Variants in TG observed in about 807,000 individuals in gnomAD.
The protein encoded by TG is thyroid hormones.
A neutral mutation model predicts 324.7 loss-of-function variants in TG; 270 were observed. The ratio of observed to expected loss-of-function variants is 0.83; its 90% CI spans 0.75 to 0.92. The LOEUF (loss-of-function observed/expected upper bound fraction) is 0.92. TG is among the 40% of genes least tolerant of loss of function. The pLI, the probability that TG is intolerant of heterozygous loss-of-function variation, is 0.00. For synonymous variants in TG, 1,401 were observed against 1,327.0 expected, an observed-to-expected ratio of 1.06 and a Z score of -1.21; for missense variants, 3,591 against 3,456.4, an observed-to-expected ratio of 1.04 and a Z score of -0.98.
At chr8:132,908,867 A>G (rs1268217616) in intron 18 of TG, among the ~76,000 whole-genome samples, 1 of 152,058 alleles carries the variant, frequency 6.6e-6, no homozygotes, top group East Asian at 1.9e-4. Context: ...AAGGGACGGG[A>G]GTGAGGTAAG....
At chr8:132,886,352 G>A (rs1815418635) in intron 8 of TG, 96 bp from the exon 9 acceptor site, 1 of 1,533,434 alleles carries the variant, frequency 6.5e-7, no homozygotes, top group Admixed American at 1.7e-5. Context: ...TTGATTGAAT[G>A]TTCTGGCTTC....
intron 34 of TG, among the ~76,000 whole-genome samples, chr8:132,976,561 C>T (rs1830199811): frequency 1.3e-5 from 2 of 152,230 alleles, no homozygotes; most frequent in African/African-American, 4.8e-5. Context: ...GCAATCTCCT[C>T]TCCCCAAGCA....
intron 37 of TG, 73 bp from the exon 38 acceptor site, chr8:133,017,705 A>G: frequency 7.1e-7 from 1 of 1,412,256 alleles, no homozygotes; most frequent in Non-Finnish European, 1.0e-6. Context: ...AAGCACATTC[A>G]GAATGCCAGT....
At chr8:133,021,875 G>C in intron 39 of TG, 116 bp from the exon 40 acceptor site, 2 of 1,302,304 alleles carry the variant, frequency 1.5e-6, no homozygotes, top group Non-Finnish European at 1.1e-6. Flanking sequence ...ACTGCATGGG[G>C]CTAAGTATGC....
rs1161600572 is a variant in TG at position 132,941,340 on chromosome 8, CT to C, written c.5042-8del. The stretch of plus-strand genomic sequence containing the variant: ...GAGGTCTTTTAAAATTTTGTTCTGC[CT>C]TTCCCCCAGGCCAAGGATCCACCAC... On this transcript the variant is annotated splice_polypyrimidine_tract_variant and intron_variant, in intron 25 of 47. Coordinates refer to ENST00000220616, the MANE Select transcript of TG (RefSeq NM_003235.5). The C allele has an allele frequency of 6.2e-7, 1 of 1,614,224 alleles. No homozygotes were observed. Among genetic ancestry groups the C allele is most frequent in the East Asian group, 2.2e-5 (1 of 44,886 alleles).
At chr8:132,950,362 G>C (rs2130117691) in intron 27 of TG, among the ~76,000 whole-genome samples, 1 of 152,348 alleles carries the variant, frequency 6.6e-6, no homozygotes, top group Admixed American at 6.5e-5. Context: ...GATTCTTTCT[G>C]TGGGAACCCT....
chr8:132,966,417 A>G (rs1485184359), intron 29 of TG, 143 bp from the exon 30 acceptor site: 1 of 1,115,092 alleles, frequency 9.0e-7, no homozygotes, highest in Non-Finnish European at 1.3e-6. Context: ...ACACAGCATA[A>G]AAATGTCTCT....
intron 35 of TG, chr8:133,003,126 AT>A: frequency 1.5e-6 from 1 of 668,478 alleles, no homozygotes. Flanking sequence ...CTTTTTGGCA[AT>A]TTTTAACAGC....
chr8:132,873,301 G>A, intron 5 of TG, 80 bp downstream of exon 5: 1 of 1,544,216 alleles, frequency 6.5e-7, no homozygotes, highest in Non-Finnish European at 8.9e-7. Context: ...GGGCCTCCAT[G>A]TGTCATATGT....
intron 20 of TG, among the ~76,000 whole-genome samples, chr8:132,917,013 TCCTCCCTCCATG>T (rs1219606250): frequency 2.7e-5 from 2 of 74,164 alleles, no homozygotes; most frequent in South Asian, 7.2e-4. Flanking sequence ...CTCCCTCCCT[TCCTCCCTCCATG>T]CCTCCCTCCC....
intron 35 of TG, among the ~76,000 whole-genome samples, chr8:132,989,164 C>T (rs1831993822): frequency 6.6e-6 from 1 of 152,176 alleles, no homozygotes; most frequent in Non-Finnish European, 1.5e-5. Flanking sequence ...AAAGACCTGC[C>T]CCCATGATTC....
At chr8:132,949,779 C>T (rs1490032966) in intron 27 of TG, among the ~76,000 whole-genome samples, 3 of 152,214 alleles carry the variant, frequency 2.0e-5, no homozygotes. Context: ...CTGCGATCAT[C>T]TGCCCCAGCC....
chr8:133,035,448 G>A (rs1363252385), intron 41 of TG, among the ~76,000 whole-genome samples: 1 of 150,738 alleles, frequency 6.6e-6, no homozygotes, highest in African/African-American at 2.5e-5. Flanking sequence ...TCCATTTGTT[G>A]GCAGAAAAGT....
At chr8:133,014,077 C>G (rs1051771994) in intron 37 of TG, among the ~76,000 whole-genome samples, 4 of 152,170 alleles carry the variant, frequency 2.6e-5, no homozygotes, top group Admixed American at 6.5e-5. Context: ...CTCATTTGGT[C>G]CTCACATTAA....
At chr8:132,946,281 G>A (rs1825280680) in intron 26 of TG, among the ~76,000 whole-genome samples, 3 of 152,004 alleles carry the variant, frequency 2.0e-5, no homozygotes, top group Admixed American at 2.0e-4. Flanking sequence ...GTTCCATGGA[G>A]TGGTAAGCCC....
Position 133,030,704 on chromosome 8 carries a change from G to T in TG, c.7239+681G>T, listed in dbSNP as rs561661963. 2.0e-4 allele frequency among the ~76,000 whole-genome samples: 31 copies of T among 152,332 alleles called. 2 individuals carry two copies. The South Asian group carries it at 5.8e-3, about 28-fold the overall frequency. Reference sequence around the variant, plus strand: ...AAATGCTTAAAGCAGATATTTATAAGAAGATCTCAGGGCAGCCCTAAGAGA... The same window carrying T: ...AAATGCTTAAAGCAGATATTTATAATAAGATCTCAGGGCAGCCCTAAGAGA... On this transcript the variant is annotated intron_variant, in intron 41 of 47. Coordinates refer to ENST00000220616, the MANE Select transcript of TG (RefSeq NM_003235.5).
rs1241640748 is a variant in TG at position 132,917,034 on chromosome 8, C to CTT, written c.4379-2342_4379-2341insTT. Among the ~76,000 whole-genome samples, 661 of 102,476 alleles carry CTT rather than the reference C, an allele frequency of 6.5e-3. 6 individuals are homozygous for CTT. Among genetic ancestry groups the CTT allele is most frequent in the Middle Eastern group, 0.03 (6 of 200 alleles). 67.2% of individuals were successfully genotyped at this position (102,476 alleles called of 152,430 possible). The stretch of plus-strand genomic sequence containing the variant: ...CCCTTCCTCCCTCCATGCCTCCCTC[C>CTT]CTCCCTCCCTCCTTCCTTCCTTCCT... On this transcript the variant is annotated intron_variant, in intron 20 of 47. Transcript: ENST00000220616.
intron 41 of TG, among the ~76,000 whole-genome samples, chr8:133,031,901 G>A (rs1051969534): frequency 6.6e-6 from 1 of 152,138 alleles, no homozygotes; most frequent in Non-Finnish European, 1.5e-5. Flanking sequence ...TTTCAGCCTA[G>A]AACTGAGCCC....
chr8:132,923,257 CAATGACCGAGAGCCTGGGAGT>C, intron 21 of TG, 60 bp from the exon 22 acceptor site: 1 of 1,507,676 alleles, frequency 6.6e-7, no homozygotes. Context: ...GACACCTTGT[CAATGACCGAGAGCCTGGGAGT>C]AGGAGTCAGG....
Sources: gnomAD v4.1 joint callset for allele counts (sites outside exome capture counted in the v4.1 genomes callset) on GRCh38, gnomAD v4.1.1 for gene constraint, MANE v1.5 for transcripts, NCBI Gene and HGNC (gene_info 2026-07-23, HGNC 2026-07-21) for gene names.